The following CTNND2 variants were observed in gnomAD, a reference collection of about 807,000 sequenced individuals.
CTNND2 encodes the protein catenin delta 2.
A neutral mutation model predicts 144.4 loss-of-function variants in CTNND2; 22 were observed. The ratio of observed to expected loss-of-function variants is 0.15; its 90% CI spans 0.11 to 0.22. The LOEUF (loss-of-function observed/expected upper bound fraction) is 0.22, where lower values mean the gene tolerates loss of function less well. Among genes scored for constraint, CTNND2 ranks in the 10% least tolerant of loss-of-function variants. CTNND2 has a pLI of 1.00. For synonymous variants in CTNND2, 751 were observed against 695.6 expected, an observed-to-expected ratio of 1.08 and a Z score of -1.25; for missense variants, 1,353 against 1,618.8, an observed-to-expected ratio of 0.84 and a Z score of 2.82.
chr5:11,868,388 C>T (rs1795876059), intron 1 of CTNND2, among the ~76,000 whole-genome samples: 1 of 152,122 alleles, frequency 6.6e-6, no homozygotes, highest in African/African-American at 2.4e-5. Context: ...GTATGAAACC[C>T]ACTGAAAGTA....
intron 3 of CTNND2, among the ~76,000 whole-genome samples, chr5:11,541,838 ACCC>A (rs71595823): frequency 4.0e-5 from 3 of 75,090 alleles, no homozygotes; most frequent in Admixed American, 1.3e-4. Flanking sequence ...TTTATTATCG[ACCC>A]CCCCCCCCCG....
At chr5:11,752,595 A>T (rs914149589) in intron 1 of CTNND2, among the ~76,000 whole-genome samples, 8 of 144,578 alleles carry the variant, frequency 5.5e-5, no homozygotes, top group African/African-American at 2.1e-4. Context: ...GTGTAGGCTT[A>T]TAGTATAGTT....
intron 18 of CTNND2, among the ~76,000 whole-genome samples, chr5:11,001,489 C>T (rs1739957745): frequency 6.6e-6 from 1 of 151,992 alleles, no homozygotes; most frequent in Non-Finnish European, 1.5e-5. Context: ...CACAGAGGTG[C>T]CTAATCAATG....
At chr5:11,423,765 C>T (rs180707835) in intron 3 of CTNND2, among the ~76,000 whole-genome samples, 48 of 152,238 alleles carry the variant, frequency 3.2e-4, no homozygotes, top group Admixed American at 1.4e-3. Context: ...TATATCAAAC[C>T]CTGAATATTG....
intron 3 of CTNND2, among the ~76,000 whole-genome samples, chr5:11,423,083 C>T (rs866703452): frequency 3.3e-5 from 5 of 152,300 alleles, no homozygotes; most frequent in Middle Eastern, 6.8e-3. Flanking sequence ...GTGGGCATTC[C>T]ATAAATTGGA....
At chr5:11,823,348 C>T (rs1274569729) in intron 1 of CTNND2, among the ~76,000 whole-genome samples, 1 of 152,130 alleles carries the variant, frequency 6.6e-6, no homozygotes, top group African/African-American at 2.4e-5. Context: ...GGGAGGATTA[C>T]TACAGTCAAT....
intron 9 of CTNND2, among the ~76,000 whole-genome samples, chr5:11,320,837 G>A (rs938209659): frequency 6.6e-6 from 1 of 152,114 alleles, no homozygotes; most frequent in Admixed American, 6.5e-5. Flanking sequence ...AACATATCAA[G>A]TATCTTAAAG....
At chr5:11,787,780 T>C (rs1320714453) in intron 1 of CTNND2, among the ~76,000 whole-genome samples, 5 of 152,180 alleles carry the variant, frequency 3.3e-5, no homozygotes, top group Admixed American at 1.3e-4. Flanking sequence ...TTCTCGAGCT[T>C]TTAGTAGGTA....
At chr5:11,354,026 T>C (rs1433138257) in intron 8 of CTNND2, among the ~76,000 whole-genome samples, 2 of 152,184 alleles carry the variant, frequency 1.3e-5, no homozygotes, top group East Asian at 1.9e-4. Flanking sequence ...AGCAAACTCA[T>C]CACAGGACAA....
chr5:11,421,517 A>G (rs971567283), intron 3 of CTNND2, among the ~76,000 whole-genome samples: 2 of 152,172 alleles, frequency 1.3e-5, no homozygotes, highest in Non-Finnish European at 2.9e-5. Flanking sequence ...AATGGCTTAT[A>G]TGGCTTATTG....
rs770445345 is a variant in CTNND2, at chr5:11,384,966, G to A, written c.876C>T (p.Tyr292=). ...TGGGCGAGGAGCCGCGCGGCGCGGC[G>A]TAGGTGGCGCCCTCGGGGGCCGAGC... The part of the protein sequence containing the change: ...RGGSAPEGAT[Y]AAPRGSSPKQ... The change falls in exon 7 of 22, where the codon TAC becomes TAT. Residue 292 remains tyrosine (Y), a synonymous_variant. Transcript: ENST00000304623. The surrounding 1 kb of genome is among the most constrained non-coding windows in gnomAD (Gnocchi z 5.2). 12 of 1,554,212 alleles carry A rather than the reference G, an allele frequency of 7.7e-6. No individual in the cohort carries two copies. In the South Asian group the frequency reaches 1.2e-4, roughly 15 times the overall value.
At chr5:11,373,990 G>A (rs1267600054) in intron 7 of CTNND2, among the ~76,000 whole-genome samples, 1 of 152,158 alleles carries the variant, frequency 6.6e-6, no homozygotes, top group Non-Finnish European at 1.5e-5. Flanking sequence ...GAGATGGCAG[G>A]ACATTTCCTG....
At chr5:11,279,022 G>A (rs1449961080) in intron 9 of CTNND2, among the ~76,000 whole-genome samples, 2 of 152,138 alleles carry the variant, frequency 1.3e-5, no homozygotes, top group Non-Finnish European at 2.9e-5. Context: ...ATAGACTGGG[G>A]TAATAATATA....
intron 2 of CTNND2, among the ~76,000 whole-genome samples, chr5:11,648,401 T>C (rs899116264): frequency 6.6e-6 from 1 of 152,028 alleles, no homozygotes; most frequent in Non-Finnish European, 1.5e-5. Context: ...TCTCCAACCT[T>C]ATCAACTCTT....
chr5:11,821,346 C>T (rs28692864), intron 1 of CTNND2, among the ~76,000 whole-genome samples: 10,331 of 152,098 alleles, frequency 0.068, 943 homozygotes, highest in African/African-American at 0.21. Context: ...AAAGCACCAA[C>T]AATGAATTGA....
chr5:11,146,692 C>A (rs920907361), intron 12 of CTNND2, among the ~76,000 whole-genome samples: 4 of 152,100 alleles, frequency 2.6e-5, no homozygotes, highest in Non-Finnish European at 5.9e-5. Context: ...AATTCAGAAT[C>A]ATAAAAACCA....
chr5:11,063,818 G>A (rs1248261130), intron 16 of CTNND2, among the ~76,000 whole-genome samples: 1 of 134,138 alleles, frequency 7.5e-6, no homozygotes, highest in Non-Finnish European at 1.6e-5. Flanking sequence ...GGGGTTGGGG[G>A]GCATAGCTTT....
rs139955196 is a variant in CTNND2 at position 11,841,654 on chromosome 5, G to T, written c.37+62163C>A. 2.9e-4 allele frequency among the ~76,000 whole-genome samples: 44 copies of T among 152,164 alleles called. No homozygotes were observed. The East Asian group carries it at 8.5e-3, about 29-fold the overall frequency. On this transcript the variant is annotated intron_variant, in intron 1 of 21. Coordinates refer to ENST00000304623, the MANE Select transcript of CTNND2 (RefSeq NM_001332.4). ...ATGGAAAGAGCGGGCTCTCTGGGGT[G>T]GTGACATTTCAGCAGGGGTGACATT... is the stretch of plus-strand genomic sequence containing the variant.
chr5:11,887,185 A>T (rs1271150220), intron 1 of CTNND2, among the ~76,000 whole-genome samples: 1 of 151,858 alleles, frequency 6.6e-6, no homozygotes, highest in Admixed American at 6.6e-5. Context: ...GGGTTTAACC[A>T]TGTTAGCCAG....
Sources: allele counts gnomAD v4.1 joint callset (sites outside exome capture counted in the v4.1 genomes callset), GRCh38; gene constraint gnomAD v4.1.1; non-coding constraint Gnocchi (gnomAD v3.1); transcripts MANE v1.5; gene names NCBI Gene and HGNC (gene_info 2026-07-23, HGNC 2026-07-21).